The following ZC3H7A variants were observed in gnomAD, a reference collection of about 807,000 sequenced individuals.
ZC3H7A encodes zinc finger CCCH domain-containing protein 7A.
A neutral mutation model predicts 125.5 loss-of-function variants in ZC3H7A; 44 were observed. That is an observed-to-expected ratio of 0.35 (90% CI 0.28 to 0.45). The LOEUF (loss-of-function observed/expected upper bound fraction) is 0.45. Among genes scored for constraint, ZC3H7A ranks in the 20% least tolerant of loss-of-function variants. The pLI, the probability that ZC3H7A is intolerant of heterozygous loss-of-function variation, is 1.00. For missense variants in ZC3H7A, 977 were observed against 1,170.7 expected (o/e 0.83, Z 2.41); for synonymous variants, 399 against 391.2 (o/e 1.02, Z -0.23).
At chr16:11,788,107 C>A (rs2053287297) in intron 1 of ZC3H7A, among the ~76,000 whole-genome samples, 2 of 152,126 alleles carry the variant, frequency 1.3e-5, no homozygotes, top group African/African-American at 4.8e-5. Context: ...AAGAATTTTA[C>A]AAAGTTAACC....
chr16:11,755,259 G>A (rs1181445333), intron 21 of ZC3H7A, among the ~76,000 whole-genome samples: 1 of 151,718 alleles, frequency 6.6e-6, no homozygotes, highest in Non-Finnish European at 1.5e-5. Context: ...GGTAAACATG[G>A]CCTGGAAAAA....
intron 9 of ZC3H7A, among the ~76,000 whole-genome samples, chr16:11,773,294 CT>C (rs2053019597): frequency 6.6e-6 from 1 of 152,018 alleles, no homozygotes; most frequent in South Asian, 2.1e-4. Context: ...ATCCTCTACC[CT>C]CAGCCTTCCA....
chr16:11,792,971 A>AAC (rs1365269748), intron 1 of ZC3H7A, among the ~76,000 whole-genome samples: 1 of 152,232 alleles, frequency 6.6e-6, no homozygotes, highest in East Asian at 1.9e-4. Context: ...AGATATGCTC[A>AAC]ACAGACGTCA....
chr16:11,774,953 T>C, intron 8 of ZC3H7A, 27 bp downstream of exon 8: 1 of 1,613,376 alleles, frequency 6.2e-7, no homozygotes, highest in Non-Finnish European at 8.5e-7. Context: ...ACTATTCAAA[T>C]TGTTAAGATG....
intron 1 of ZC3H7A, among the ~76,000 whole-genome samples, chr16:11,787,843 G>A (rs1220312846): frequency 1.3e-5 from 2 of 152,034 alleles, no homozygotes; most frequent in Non-Finnish European, 2.9e-5. Flanking sequence ...CTACTCGGAA[G>A]GCTGAGGCAG....
At chr16:11,767,900 T>C (rs1339994459) in intron 12 of ZC3H7A, among the ~76,000 whole-genome samples, 2 of 152,204 alleles carry the variant, frequency 1.3e-5, no homozygotes, top group African/African-American at 4.8e-5. Context: ...GATTTAACGG[T>C]AAACATATGA....
At chr16:11,794,328 G>T (rs191022126) in intron 1 of ZC3H7A, among the ~76,000 whole-genome samples, 3 of 152,078 alleles carry the variant, frequency 2.0e-5, no homozygotes, top group Non-Finnish European at 4.4e-5. Flanking sequence ...AAGTAACCTC[G>T]TTGCTTTACA....
chr16:11,796,135 GATTA>G (rs2053432845), intron 1 of ZC3H7A: 1 of 152,248 alleles, frequency 6.6e-6, no homozygotes, highest in Admixed American at 6.5e-5. Context: ...ATCCTGCCAA[GATTA>G]ATTTTAATGA....
chr16:11,780,715 G>C (rs919534673), intron 3 of ZC3H7A, among the ~76,000 whole-genome samples: 6 of 152,092 alleles, frequency 3.9e-5, no homozygotes, highest in African/African-American at 1.4e-4. Flanking sequence ...GAAGAAAAGG[G>C]GAGGAGGGAG....
intron 1 of ZC3H7A, among the ~76,000 whole-genome samples, chr16:11,789,011 CAT>C (rs1318969462): frequency 5.3e-5 from 8 of 152,118 alleles, no homozygotes; most frequent in Non-Finnish European, 8.8e-5. Flanking sequence ...CACACACACA[CAT>C]ACACACACAG....
chr16:11,769,434 C>T (rs1253989622), intron 10 of ZC3H7A, among the ~76,000 whole-genome samples: 3 of 151,876 alleles, frequency 2.0e-5, no homozygotes, highest in Non-Finnish European at 4.4e-5. Context: ...GGGCCAGGTG[C>T]GGTGGCTCAC....
Position 11,751,519 on chromosome 16 carries a change from G to A in ZC3H7A, c.2727-13C>T. The stretch of plus-strand genomic sequence containing the variant: ...GCCATTCATATACCTGTAAGGAGAA[G>A]TCAGCTGCTCAGTGTCCATATAAGT... On this transcript the variant is annotated splice_polypyrimidine_tract_variant and intron_variant, in intron 22 of 22. Coordinates refer to ENST00000355758, the MANE Select transcript of ZC3H7A (RefSeq NM_014153.4). 6.2e-7 allele frequency: 1 copy of A among 1,608,910 alleles called. No homozygotes were observed. Among genetic ancestry groups the A allele is most frequent in the Non-Finnish European group, 8.5e-7 (1 of 1,178,174 alleles).
At position 11,770,981 on chromosome 16, in the gene ZC3H7A, C is replaced by G. The variant is rs1395994669; in HGVS notation, c.910G>C (p.Ala304Pro). The G allele has an allele frequency of 6.3e-7, 1 of 1,595,362 alleles. No individual in the cohort carries two copies. Among genetic ancestry groups the G allele is most frequent in the Admixed American group, 1.8e-5 (1 of 55,050 alleles). ...PETNETVMPS[A>P]LVRGPLQTAS... ...GTCTGAAGGGGTCCTCTGACTAAAG[C>G]TGACGGCTGCGGAAGAAAAAAAGAT... The change falls in exon 10 of 23, where the codon GCT becomes CCT. Residue 304 changes from alanine (A) to proline (P), a missense_variant. Transcript: ENST00000355758.
At position 11,765,353 on chromosome 16, in the gene ZC3H7A, AATATG is replaced by A. The variant is rs2052837308; in HGVS notation, c.1719+131_1719+135del. The A allele has an allele frequency of 3.2e-6, 2 of 632,256 alleles. No homozygotes were observed. The highest frequency in any genetic ancestry group is 4.9e-6 in the Non-Finnish European group (2 of 408,110). 39.2% of individuals were successfully genotyped at this position (632,256 alleles called of 1,614,324 possible). On this transcript the variant is annotated intron_variant, in intron 14 of 22. Coordinates refer to ENST00000355758, the MANE Select transcript of ZC3H7A (RefSeq NM_014153.4). This position sits in a 1 kb window ranked among gnomAD's most constrained non-coding sequence, Gnocchi z 4.8. ...GGACCAGAGGAATATTTTATTCATA[AATATG>A]ATATTATTTATCATATAAATAAATG... is the stretch of plus-strand genomic sequence containing the variant.
At chr16:11,786,574 A>G (rs1253021396) in intron 1 of ZC3H7A, among the ~76,000 whole-genome samples, 2 of 152,228 alleles carry the variant, frequency 1.3e-5, no homozygotes, top group South Asian at 2.1e-4. Flanking sequence ...CTGACACCAC[A>G]AGTAAGTGAT....
intron 10 of ZC3H7A, among the ~76,000 whole-genome samples, chr16:11,769,326 T>C (rs2052926761): frequency 6.6e-6 from 1 of 151,908 alleles, no homozygotes; most frequent in Non-Finnish European, 1.5e-5. Context: ...TCCAGAAAAA[T>C]AAGCTAAGGC....
intron 1 of ZC3H7A, among the ~76,000 whole-genome samples, chr16:11,792,089 G>A (rs2053364991): frequency 6.6e-6 from 1 of 152,006 alleles, no homozygotes; most frequent in Non-Finnish European, 1.5e-5. Context: ...TGTATTTTTT[G>A]TAGAGACAGA....
intron 4 of ZC3H7A, among the ~76,000 whole-genome samples, chr16:11,778,473 G>GT (rs1346129123): frequency 6.8e-6 from 1 of 146,354 alleles, no homozygotes; most frequent in East Asian, 2.1e-4. Flanking sequence ...TCGTAAGAGT[G>GT]TTTTTTACCA....
chr16:11,770,705 G>C, intron 10 of ZC3H7A, 78 bp downstream of exon 10: 4 of 1,332,748 alleles, frequency 3.0e-6, no homozygotes, highest in Middle Eastern at 2.4e-4. Flanking sequence ...CCTAGAGTCA[G>C]TTAAATAATT....
Sources: gnomAD v4.1 joint callset for allele counts (sites outside exome capture counted in the v4.1 genomes callset) on GRCh38, gnomAD v4.1.1 for gene constraint, Gnocchi (gnomAD v3.1) non-coding constraint, MANE v1.5 for transcripts, NCBI Gene and HGNC (gene_info 2026-07-23, HGNC 2026-07-21) for gene names.